MTF2: variants seen among roughly 807,000 people sequenced by gnomAD.
MTF2 encodes the protein metal-response element-binding transcription factor 2.
Under a neutral mutation model 79.5 loss-of-function variants are expected in MTF2, and 11 were observed. That is an observed-to-expected ratio of 0.14 (90% confidence interval 0.09 to 0.23). The LOEUF (loss-of-function observed/expected upper bound fraction) is 0.23. Among genes scored for constraint, MTF2 ranks in the 10% least tolerant of loss-of-function variants. MTF2 has a pLI of 1.00. For synonymous variants in MTF2, 208 were observed against 232.8 expected, an observed-to-expected ratio of 0.89 and a Z score of 0.97; for missense variants, 486 against 711.2, an observed-to-expected ratio of 0.68 and a Z score of 3.60.
chr1:93,091,719 T>G (rs1024247449), intron 1 of MTF2, among the ~76,000 whole-genome samples: 6 of 152,358 alleles, frequency 3.9e-5, no homozygotes, highest in African/African-American at 1.4e-4. Context: ...TACAGAGTGG[T>G]CTTTTAAGTT....
chr1:93,088,588 C>A (rs1654944261), intron 1 of MTF2, among the ~76,000 whole-genome samples: 1 of 152,018 alleles, frequency 6.6e-6, no homozygotes, highest in Admixed American at 6.6e-5. Flanking sequence ...TTTTTTGAGA[C>A]AGAATCTCAC....
chr1:93,097,697 G>A (rs868663104), intron 1 of MTF2, among the ~76,000 whole-genome samples: 1 of 151,948 alleles, frequency 6.6e-6, no homozygotes. Flanking sequence ...TCCCGGGTTC[G>A]AGCAGTTCTC....
chr1:93,137,149 A>C lies in MTF2; in HGVS notation c.*122A>C. On this transcript the variant is annotated 3_prime_UTR_variant, in exon 15 of 15. Transcript: ENST00000370298. ...AAAAAAAAAGTCAAAAAAATTCAAA[A>C]AAGGGGATGATACTAGCCTTAACAT... 1 of 761,048 alleles carries C rather than the reference A, an allele frequency of 1.3e-6. No individual in the cohort carries two copies. The highest frequency in any genetic ancestry group is 2.1e-6 in the Non-Finnish European group (1 of 484,164). 47.1% of individuals were successfully genotyped at this position (761,048 alleles called of 1,614,324 possible). A position where few individuals can be genotyped will look rare whatever the true frequency, so the allele number is the denominator to read the frequency against.
At chr1:93,106,441 TA>T (rs11317807) in intron 1 of MTF2, among the ~76,000 whole-genome samples, 151,705 of 151,958 alleles carry the variant, frequency 1, 75,727 homozygotes, top group East Asian at 1. Flanking sequence ...CATGATTGAT[TA>T]ATTGTTCAGG....
At chr1:93,121,241 T>A (rs1344578711) in intron 9 of MTF2, 5 of 949,594 alleles carry the variant, frequency 5.3e-6, no homozygotes, top group African/African-American at 3.6e-5. Context: ...AGTCTTTTTT[T>A]AAATGAATTT....
intron 9 of MTF2, among the ~76,000 whole-genome samples, chr1:93,126,203 C>T (rs1656690525): frequency 6.6e-6 from 1 of 151,646 alleles, no homozygotes; most frequent in Admixed American, 6.6e-5. Flanking sequence ...AGTGGGCTCT[C>T]AGTGAGTGTA....
intron 1 of MTF2, among the ~76,000 whole-genome samples, chr1:93,086,951 GACCCAAGTTTAA>G (rs1219301540): frequency 2.0e-5 from 3 of 152,124 alleles, no homozygotes; most frequent in Admixed American, 6.6e-5. Context: ...TTGGGGATGA[GACCCAAGTTTAA>G]ACACAAAATT....
chr1:93,127,790 A>G (rs1044613118), intron 10 of MTF2, among the ~76,000 whole-genome samples: 3 of 148,302 alleles, frequency 2.0e-5, no homozygotes, highest in African/African-American at 7.5e-5. Context: ...ATTCTCATAC[A>G]GATCTACAGG....
At chr1:93,136,201 C>T (rs925167978) in intron 14 of MTF2, among the ~76,000 whole-genome samples, 2 of 152,148 alleles carry the variant, frequency 1.3e-5, no homozygotes, top group Non-Finnish European at 1.5e-5. Context: ...TGGTGTATTA[C>T]TTCACTAGGC....
Position 93,133,704 on chromosome 1 carries a change from G to A in MTF2, c.1162G>A (p.Glu388Lys), listed in dbSNP as rs1272978466. 1.2e-6 allele frequency: 2 copies of A among 1,604,698 alleles called. No individual in the cohort carries two copies. The highest frequency in any genetic ancestry group is 2.7e-5 in the African/African-American group (2 of 74,560). Residue 388 changes from glutamate to lysine, a missense_variant and splice_region_variant, in exon 12 of 15, where the codon GAA (glutamate) becomes AAA (lysine). Physicochemically the swap from Glu to Lys is moderately conservative, Grantham distance 56. Transcript: ENST00000370298. ...ATGCATAATGGTTTTCCATTTCAGG[G>A]AAGTAAGCAATGGCATAGAAAAAAA... Reference protein sequence around the residue: ...KASKPISDSREVSNGIEKKGK... With the variant: ...KASKPISDSRKVSNGIEKKGK...
chr1:93,095,271 C>G (rs1315342663), intron 1 of MTF2, among the ~76,000 whole-genome samples: 1 of 152,102 alleles, frequency 6.6e-6, no homozygotes, highest in African/African-American at 2.4e-5. Flanking sequence ...GAACTTCTTG[C>G]CTCAAGTGAT....
intron 1 of MTF2, among the ~76,000 whole-genome samples, chr1:93,103,879 T>A (rs1316285154): frequency 2.6e-5 from 4 of 152,176 alleles, no homozygotes; most frequent in African/African-American, 7.2e-5. Context: ...TTTTCTTGCT[T>A]TGTTTTCTGT....
intron 1 of MTF2, among the ~76,000 whole-genome samples, chr1:93,083,852 G>C (rs1421238428): frequency 2.0e-5 from 3 of 152,072 alleles, no homozygotes; most frequent in Non-Finnish European, 2.9e-5. Flanking sequence ...CCACATACTT[G>C]TTGGCCATTT....
intron 1 of MTF2, among the ~76,000 whole-genome samples, chr1:93,107,029 T>C (rs1401989206): frequency 6.6e-6 from 1 of 152,198 alleles, no homozygotes; most frequent in African/African-American, 2.4e-5. Context: ...CCTCTAATTA[T>C]ACTACCAAAA....
At chr1:93,121,875 C>G (rs1419362749) in intron 9 of MTF2, 9 of 492,298 alleles carry the variant, frequency 1.8e-5, no homozygotes, top group Non-Finnish European at 2.4e-5. Flanking sequence ...GATCTCAGCT[C>G]ACCGCAACCT....
At chr1:93,101,296 T>C (rs2101041279) in intron 1 of MTF2, among the ~76,000 whole-genome samples, 1 of 151,822 alleles carries the variant, frequency 6.6e-6, no homozygotes, top group East Asian at 1.9e-4. Flanking sequence ...CCAGTGGTAG[T>C]GACTATGAGC....
intron 10 of MTF2, chr1:93,128,945 A>G (rs1166686773): frequency 4.7e-5 from 8 of 168,422 alleles, no homozygotes; most frequent in African/African-American, 7.1e-5. Context: ...AATATTTCTA[A>G]CAGATGACAC....
At chr1:93,134,596 CTCAT>C (rs780333400) in intron 14 of MTF2, 16 of 161,360 alleles carry the variant, frequency 9.9e-5, no homozygotes, top group Non-Finnish European at 1.7e-4. Context: ...ACAATCATGG[CTCAT>C]TGCAGCCTCA....
intron 11 of MTF2, among the ~76,000 whole-genome samples, 148 bp from the exon 12 acceptor site, chr1:93,133,550 TGACTA>T (rs1187300154): frequency 3.3e-5 from 5 of 152,082 alleles, no homozygotes; most frequent in African/African-American, 9.7e-5. Flanking sequence ...TCTGTGCACT[TGACTA>T]AACTTGTGGA....
Sources: allele counts gnomAD v4.1 joint callset (sites outside exome capture counted in the v4.1 genomes callset), GRCh38; gene constraint gnomAD v4.1.1; transcripts MANE v1.5; gene names NCBI Gene and HGNC (gene_info 2026-07-23, HGNC 2026-07-21).